Variants in DOCK7 observed in about 807,000 individuals in gnomAD.
DOCK7 encodes the protein dedicator of cytokinesis 7.
In DOCK7, 138 loss-of-function variants were observed where a neutral mutation model predicts 271.0. The ratio of observed to expected loss-of-function variants is 0.51; its 90% confidence interval spans 0.44 to 0.59. DOCK7 has a LOEUF of 0.59. DOCK7 is among the 20% of genes least tolerant of loss of function. The pLI is 0.00. For missense variants in DOCK7, 2,066 were observed against 2,592.4 expected (o/e 0.80, Z 4.41); for synonymous variants, 823 against 876.1 (o/e 0.94, Z 1.07).
In DOCK7 at chr1:62,648,256, A is replaced by G. The variant is rs1656914851; in HGVS notation, c.582T>C (p.Ser194=). 8 of 1,613,700 alleles carry G rather than the reference A, an allele frequency of 5.0e-6. No homozygotes were observed. Among genetic ancestry groups the G allele is most frequent in the Non-Finnish European group, 6.8e-6 (8 of 1,179,712 alleles). Residue 194 remains serine (S), a synonymous_variant, in exon 6 of 50, where the codon AGT becomes AGC. Coordinates refer to ENST00000635253, the MANE Select transcript of DOCK7 (RefSeq NM_001367561.1). ...DDTPRGSWAC[S]IFDLKNSLPD... ...GAAGTGAATTTTTCAAGTCAAAGAT[A>G]CTACAGGCCCAGCTACCCCTTGGGG...
rs531649186 is a variant in DOCK7 at position 62,633,710 on chromosome 1, G to C, written c.1036-132C>G. The C allele has an allele frequency of 9.6e-6, 6 of 624,456 alleles. No individual in the cohort carries two copies. In the South Asian group the frequency reaches 1.1e-4, roughly 11 times the overall value. The allele number at this position is 624,456 out of a possible 1,614,324, so 38.7% of individuals were successfully genotyped here. A position where few individuals can be genotyped will look rare whatever the true frequency, so the allele number is the denominator to read the frequency against. On this transcript the variant is annotated intron_variant, in intron 9 of 49. Transcript: ENST00000635253. ...AATATATGACATCTCAATTGCTGTAGAACAAACATTAGACAAAATTCAGTA... is the reference window on the plus strand; with the variant it reads ...AATATATGACATCTCAATTGCTGTACAACAAACATTAGACAAAATTCAGTA...
intron 21 of DOCK7, among the ~76,000 whole-genome samples, chr1:62,553,227 G>A (rs1304753872): frequency 2.1e-5 from 3 of 143,798 alleles, no homozygotes; most frequent in Non-Finnish European, 4.5e-5. Context: ...TAGAGATGAA[G>A]TTTCACCATG....
chr1:62,654,700 C>T (rs1168097), intron 2 of DOCK7, among the ~76,000 whole-genome samples: 88,037 of 152,004 alleles, frequency 0.58, 27,270 homozygotes, highest in East Asian at 0.75. Context: ...ACAGTCTTTG[C>T]AGATGTAATT....
At chr1:62,584,002 T>C in intron 15 of DOCK7, 1 of 312,230 alleles carries the variant, frequency 3.2e-6, no homozygotes, top group South Asian at 1.3e-4. Context: ...AGACTTGCAG[T>C]GTTATCTAGC....
chr1:62,536,556 A>G (rs1456536991), intron 28 of DOCK7, among the ~76,000 whole-genome samples: 4 of 152,192 alleles, frequency 2.6e-5, no homozygotes, highest in Non-Finnish European at 5.9e-5. Flanking sequence ...GCCAGACTGA[A>G]GAGTTTGTGG....
At chr1:62,579,402 G>GA (rs1647043000) in intron 16 of DOCK7, among the ~76,000 whole-genome samples, 1 of 151,838 alleles carries the variant, frequency 6.6e-6, no homozygotes, top group Non-Finnish European at 1.5e-5. Context: ...AAAAAAATGG[G>GA]AAAAAAGGCA....
chr1:62,479,446 C>T (rs1282946956), intron 43 of DOCK7, among the ~76,000 whole-genome samples: 1 of 152,038 alleles, frequency 6.6e-6, no homozygotes, highest in African/African-American at 2.4e-5. Flanking sequence ...TAACTGATTT[C>T]TACAGCAAAT....
intron 21 of DOCK7, 131 bp from the exon 22 acceptor site, chr1:62,553,032 CTTT>C (rs66892340): frequency 0.02 from 3,367 of 167,412 alleles, no homozygotes; most frequent in East Asian, 0.048. Flanking sequence ...AAAAAATATA[CTTT>C]TTTTTTTTTT....
At chr1:62,679,893 C>G (rs1278779229) in intron 1 of DOCK7, among the ~76,000 whole-genome samples, 1 of 152,082 alleles carries the variant, frequency 6.6e-6, no homozygotes, top group Non-Finnish European at 1.5e-5. Flanking sequence ...AAAGAGGACA[C>G]AAACAAATGG....
intron 8 of DOCK7, 23 bp downstream of exon 8, chr1:62,636,514 A>G: frequency 6.5e-7 from 1 of 1,550,258 alleles, no homozygotes; most frequent in Non-Finnish European, 8.8e-7. Context: ...ACAAATAACT[A>G]TGGTCAAATT....
chr1:62,461,492 G>C (rs1317662361), intron 48 of DOCK7, among the ~76,000 whole-genome samples: 1 of 150,914 alleles, frequency 6.6e-6, no homozygotes, highest in Non-Finnish European at 1.5e-5. Flanking sequence ...ACCAGCCTGG[G>C]CAACATAGTG....
chr1:62,623,392 ATTTATT>A (rs1165610625), intron 12 of DOCK7, among the ~76,000 whole-genome samples: 3 of 152,220 alleles, frequency 2.0e-5, no homozygotes, highest in African/African-American at 7.2e-5. Context: ...TCCAGCAATC[ATTTATT>A]TTTAAGTTTT....
chr1:62,602,115 T>C (rs1275070150), intron 14 of DOCK7, among the ~76,000 whole-genome samples: 1 of 151,676 alleles, frequency 6.6e-6, no homozygotes, highest in Non-Finnish European at 1.5e-5. Context: ...AATTCATTAA[T>C]TGCCTTTCAC....
At chr1:62,616,273 G>T (rs1652422087) in intron 14 of DOCK7, among the ~76,000 whole-genome samples, 1 of 151,560 alleles carries the variant, frequency 6.6e-6, no homozygotes, top group Non-Finnish European at 1.5e-5. Flanking sequence ...TTTAAGTTCT[G>T]TAACATGTCT....
At chr1:62,569,353 A>G (rs1646689650) in intron 18 of DOCK7, among the ~76,000 whole-genome samples, 1 of 152,192 alleles carries the variant, frequency 6.6e-6, no homozygotes, top group Non-Finnish European at 1.5e-5. Context: ...AATACTGGCA[A>G]ACCAAATCTG....
At chr1:62,477,501 A>T (rs1646000632) in intron 44 of DOCK7, among the ~76,000 whole-genome samples, 199 bp downstream of exon 44, 1 of 152,230 alleles carries the variant, frequency 6.6e-6, no homozygotes, top group African/African-American at 2.4e-5. Context: ...CTCAAAAAAT[A>T]GACAATATTA....
Position 62,625,386 on chromosome 1 carries a change from C to T in DOCK7, c.1298G>A (p.Trp433Ter). 1 of 1,604,448 alleles carries T rather than the reference C, an allele frequency of 6.2e-7. No individual in the cohort carries two copies. The highest frequency in any genetic ancestry group is 8.5e-7 in the Non-Finnish European group (1 of 1,176,504). ...EISTGERKGSWSERRNSSIVG... is the reference protein window; with the variant it reads ...EISTGERKGS ...AATACTAGAATTCCTCCTCTCTGACCAAGACCCTTTTCGTTCTACAAAAGA... is the reference window on the plus strand; with the variant it reads ...AATACTAGAATTCCTCCTCTCTGACTAAGACCCTTTTCGTTCTACAAAAGA... Residue 433 changes from tryptophan to a stop codon, truncating the protein, a stop_gained, in exon 12 of 50, where the codon TGG becomes TAG. Transcript: ENST00000635253. LOFTEE classifies it high-confidence loss of function.
intron 37 of DOCK7, among the ~76,000 whole-genome samples, chr1:62,500,653 A>G (rs1646754832): frequency 6.6e-6 from 1 of 152,206 alleles, no homozygotes; most frequent in African/African-American, 2.4e-5. Context: ...CAGCTGGGGG[A>G]AAAATGTTAT....
At chr1:62,619,644 C>T (rs1652893679) in intron 13 of DOCK7, among the ~76,000 whole-genome samples, 1 of 152,124 alleles carries the variant, frequency 6.6e-6, no homozygotes, top group Non-Finnish European at 1.5e-5. Context: ...TGGTTGACTA[C>T]AGGTAACTGA....
Sources: allele counts gnomAD v4.1 joint callset (sites outside exome capture counted in the v4.1 genomes callset), GRCh38; gene constraint gnomAD v4.1.1; transcripts MANE v1.5; gene names NCBI Gene and HGNC (gene_info 2026-07-23, HGNC 2026-07-21).